The following SKAP1 variants were observed in gnomAD, a reference collection of about 807,000 sequenced individuals.
The protein encoded by SKAP1 is src kinase associated phosphoprotein 1, also known as src kinase-associated phosphoprotein 1.
SKAP1 carries 44 observed loss-of-function variants against 58.5 expected under a neutral mutation model. The observed-to-expected ratio is 0.75, with a 90% CI of 0.59 to 0.97. The LOEUF (loss-of-function observed/expected upper bound fraction) is 0.97, where lower values mean the gene tolerates loss of function less well. Ranked by LOEUF, SKAP1 falls within the 50% of genes least tolerant of loss-of-function variation. The probability of loss-of-function intolerance (pLI) is 0.00; values close to 1 mark genes in which losing one functional copy is unlikely to be tolerated. For synonymous variants in SKAP1, 127 were observed against 149.7 expected (o/e 0.85, Z 1.11); for missense variants, 390 against 435.2 (o/e 0.90, Z 0.92).
chr17:48,400,012 AAAAACTATT>A (rs1227234871), intron 1 of SKAP1, among the ~76,000 whole-genome samples: 3 of 152,124 alleles, frequency 2.0e-5, no homozygotes, highest in African/African-American at 7.2e-5. Flanking sequence ...GAATCTATTA[AAAAACTATT>A]AAAACTAATA....
chr17:48,366,443 G>C (rs1470777564), intron 2 of SKAP1, among the ~76,000 whole-genome samples: 1 of 151,900 alleles, frequency 6.6e-6, no homozygotes, highest in Non-Finnish European at 1.5e-5. Flanking sequence ...AGTAGCAAAG[G>C]GGAGAGGAAG....
intron 1 of SKAP1, among the ~76,000 whole-genome samples, chr17:48,423,332 G>A (rs762449175): frequency 2.6e-5 from 4 of 152,182 alleles, no homozygotes; most frequent in Non-Finnish European, 5.9e-5. Context: ...TTAGTTGAGG[G>A]GAGGTTGAAG....
chr17:48,405,862 A>C (rs890661258), intron 1 of SKAP1, among the ~76,000 whole-genome samples: 1 of 152,180 alleles, frequency 6.6e-6, no homozygotes, highest in Non-Finnish European at 1.5e-5. Flanking sequence ...CTTAATAGCC[A>C]CAGACAGAGA....
At chr17:48,160,573 A>G (rs1017663522) in intron 11 of SKAP1, among the ~76,000 whole-genome samples, 1 of 152,070 alleles carries the variant, frequency 6.6e-6, no homozygotes, top group Non-Finnish European at 1.5e-5. Flanking sequence ...TCCATACTGC[A>G]GGACAGGTCA....
At chr17:48,429,678 T>C (rs2067892847) in intron 1 of SKAP1, among the ~76,000 whole-genome samples, 1 of 151,764 alleles carries the variant, frequency 6.6e-6, no homozygotes, top group African/African-American at 2.4e-5. Context: ...AGGTTTGGGG[T>C]CTTCTGTGAG....
At chr17:48,394,597 T>G (rs1047560201) in intron 2 of SKAP1, among the ~76,000 whole-genome samples, 1 of 152,200 alleles carries the variant, frequency 6.6e-6, no homozygotes, top group African/African-American at 2.4e-5. Context: ...GGCCTCAGCC[T>G]CCCAAAGTGC....
chr17:48,281,303 C>T (rs772585144), intron 4 of SKAP1, among the ~76,000 whole-genome samples: 24 of 152,152 alleles, frequency 1.6e-4, no homozygotes, highest in Non-Finnish European at 2.6e-4. Flanking sequence ...GAATTACAGG[C>T]GTGAGTCACT....
At chr17:48,171,093 GTTT>G (rs71141969) in intron 9 of SKAP1, among the ~76,000 whole-genome samples, 3 of 70,242 alleles carry the variant, frequency 4.3e-5, no homozygotes, top group African/African-American at 5.9e-5. Context: ...AATTACTGTT[GTTT>G]TTTTTTTTTT....
rs943352889 is a variant in SKAP1 at position 48,177,518 on chromosome 17, T to A, written c.826+2536A>T. Among the ~76,000 whole-genome samples, 3 of 152,060 alleles carry A rather than the reference T, an allele frequency of 2.0e-5. No homozygotes were observed. In the East Asian group the frequency reaches 5.8e-4, roughly 29 times the overall value. On this transcript the variant is annotated intron_variant, in intron 9 of 12. Transcript: ENST00000336915. ...CACAGCTAGCAGGTGGCAGAGCAAA[T>A]CCATCCTGATTTAGAGCTAGTATCT...
intron 3 of SKAP1, among the ~76,000 whole-genome samples, chr17:48,359,211 T>C (rs1019780023): frequency 3.9e-5 from 6 of 152,156 alleles, no homozygotes; most frequent in Admixed American, 3.9e-4. Flanking sequence ...TCATTCAGCT[T>C]CAACAAGTGT....
intron 2 of SKAP1, among the ~76,000 whole-genome samples, chr17:48,382,971 G>A (rs915002535): frequency 2.6e-5 from 4 of 152,184 alleles, no homozygotes; most frequent in African/African-American, 9.7e-5. Flanking sequence ...GCTCCATGCT[G>A]GTCTATGGAG....
rs568096134 is a variant in SKAP1, at chr17:48,134,410, G to A, written c.*8-594C>T. Reference sequence around the variant, plus strand: ...CTCAGCTCACTGCAACCTCCGCCTCGTGGATTCAAGCAATTCTCCTGCCTC... The same window carrying A: ...CTCAGCTCACTGCAACCTCCGCCTCATGGATTCAAGCAATTCTCCTGCCTC... On this transcript the variant is annotated intron_variant, in intron 12 of 12. Coordinates refer to ENST00000336915, the MANE Select transcript of SKAP1 (RefSeq NM_003726.4). Among the ~76,000 whole-genome samples the A allele has an allele frequency of 4.8e-3, 724 of 151,238 alleles. 3 individuals are homozygous for A. Among genetic ancestry groups the A allele is most frequent in the African/African-American group, 0.016 (675 of 41,228 alleles).
intron 4 of SKAP1, among the ~76,000 whole-genome samples, chr17:48,301,537 T>C (rs576602687): frequency 3.6e-4 from 55 of 152,282 alleles, no homozygotes; most frequent in Non-Finnish European, 6.8e-4. Flanking sequence ...CTCGGCTCAC[T>C]GCAACCTCCG....
At chr17:48,143,831 T>C (rs2063796785) in intron 11 of SKAP1, among the ~76,000 whole-genome samples, 1 of 151,962 alleles carries the variant, frequency 6.6e-6, no homozygotes, top group Non-Finnish European at 1.5e-5. Context: ...TCCCCGGGGG[T>C]TGTTCAACGC....
intron 4 of SKAP1, among the ~76,000 whole-genome samples, chr17:48,197,173 G>T (rs566901375): frequency 6.8e-6 from 1 of 146,970 alleles, no homozygotes; most frequent in Non-Finnish European, 1.5e-5. Flanking sequence ...CAGGAGAATT[G>T]CTTGAACCCA....
intron 3 of SKAP1, among the ~76,000 whole-genome samples, chr17:48,355,908 G>A (rs1051913307): frequency 9.9e-5 from 15 of 151,882 alleles, no homozygotes; most frequent in Non-Finnish European, 1.9e-4. Context: ...TTAAACAACA[G>A]AGAATGCTGC....
rs559005763 is a variant in SKAP1, at chr17:48,202,648, T to C, written c.281-13148A>G. ...AGGAAAAAGATTTAGGAGGGGAAAA[T>C]GAGGGTGATGTTTCTAAACCCAAAA... On this transcript the variant is annotated intron_variant, in intron 4 of 12. Transcript: ENST00000336915. 6.2e-4 allele frequency among the ~76,000 whole-genome samples: 95 copies of C among 152,258 alleles called. 1 individual carries two copies. Among genetic ancestry groups the C allele is most frequent in the African/African-American group, 2.2e-3 (92 of 41,550 alleles).
intron 1 of SKAP1, among the ~76,000 whole-genome samples, chr17:48,403,357 ACT>A (rs1412437552): frequency 6.6e-6 from 1 of 151,862 alleles, no homozygotes; most frequent in Non-Finnish European, 1.5e-5. Context: ...ACAGTGCAAG[ACT>A]CTGTCTCAAA....
chr17:48,220,852 C>CAAAAAAAAAAAAAAAAAAA (rs56006389), intron 4 of SKAP1, among the ~76,000 whole-genome samples: 6 of 83,658 alleles, frequency 7.2e-5, no homozygotes, highest in South Asian at 3.8e-4. Flanking sequence ...GACTCCATCT[C>CAAAAAAAAAAAAAAAAAAA]AAAAAAAAAA....
Sources: allele counts gnomAD v4.1 joint callset (sites outside exome capture counted in the v4.1 genomes callset), GRCh38; gene constraint gnomAD v4.1.1; transcripts MANE v1.5; gene names NCBI Gene and HGNC (gene_info 2026-07-23, HGNC 2026-07-21).